TMEM272: variants seen among roughly 807,000 people sequenced by gnomAD.
TMEM272 encodes transmembrane protein 272.
Under a neutral mutation model 3.7 loss-of-function variants are expected in TMEM272, and 8 were observed. That is an observed-to-expected ratio of 2.17 (90% CI 1.27 to 3.91). The LOEUF is 3.91. Ranked by LOEUF, TMEM272 falls within the 30% of genes most tolerant of loss-of-function variation. TMEM272 has a pLI of 0.00. For synonymous variants in TMEM272, 63 were observed against 39.8 expected, an observed-to-expected ratio of 1.58 and a Z score of -2.20; for missense variants, 166 against 91.5, an observed-to-expected ratio of 1.81 and a Z score of -3.32.
At chr13:51,821,154 T>C (rs910731990) in intron 4 of TMEM272, among the ~76,000 whole-genome samples, 4 of 152,342 alleles carry the variant, frequency 2.6e-5, no homozygotes, top group African/African-American at 9.6e-5. Context: ...TGGGTCCGAA[T>C]GAGAGTTCAT....
the TMEM272 span, among the ~76,000 whole-genome samples, chr13:51,888,778 T>TG: frequency 6.6e-6 from 1 of 151,242 alleles, no homozygotes; most frequent in African/African-American, 2.4e-5. Context: ...CCCAAGTAGT[T>TG]GGGATTACAG....
chr13:51,865,883 G>A, the TMEM272 span: 1 of 1,613,616 alleles, frequency 6.2e-7, no homozygotes, highest in Non-Finnish European at 8.5e-7. Context: ...AGAGGAAAGA[G>A]CCCTCCTTGA....
the TMEM272 span, among the ~76,000 whole-genome samples, chr13:51,858,850 C>T: frequency 1.3e-5 from 2 of 152,180 alleles, no homozygotes; most frequent in Non-Finnish European, 1.5e-5. Context: ...TCCTTCCCCC[C>T]TGCAAACAGT....
the TMEM272 span, among the ~76,000 whole-genome samples, chr13:51,864,136 CT>C: frequency 8.0e-6 from 1 of 125,004 alleles, no homozygotes; most frequent in South Asian, 2.7e-4. Flanking sequence ...TTCTTTTTTT[CT>C]TTTCCTTCTT....
chr13:51,855,467 C>T, the TMEM272 span, among the ~76,000 whole-genome samples: 1 of 152,132 alleles, frequency 6.6e-6, no homozygotes, highest in East Asian at 1.9e-4. Flanking sequence ...GAAAAAAAGA[C>T]AAGAGAAACA....
intron 3 of TMEM272, among the ~76,000 whole-genome samples, chr13:51,824,101 C>G (rs1449474370): frequency 6.6e-6 from 1 of 152,206 alleles, no homozygotes; most frequent in Non-Finnish European, 1.5e-5. Context: ...TAGATATCTG[C>G]TCATTCCCAA....
the TMEM272 span, among the ~76,000 whole-genome samples, chr13:51,915,934 G>A: frequency 1.3e-5 from 2 of 152,084 alleles, no homozygotes; most frequent in Admixed American, 6.5e-5. Flanking sequence ...TTAGCTGGGC[G>A]TGGTGGTGTG....
intron 4 of TMEM272, among the ~76,000 whole-genome samples, chr13:51,820,708 C>T (rs969824523): frequency 2.0e-5 from 3 of 152,202 alleles, no homozygotes; most frequent in Admixed American, 6.5e-5. Flanking sequence ...TTGTTTTAAG[C>T]ATCTCTATGG....
intron 1 of TMEM272, among the ~76,000 whole-genome samples, chr13:51,844,410 G>A (rs972584332): frequency 1.3e-5 from 2 of 152,128 alleles, no homozygotes; most frequent in African/African-American, 4.8e-5. Context: ...AACTAGTATT[G>A]TTGAATATTT....
chr13:51,916,608 A>G, the TMEM272 span, among the ~76,000 whole-genome samples: 5 of 152,276 alleles, frequency 3.3e-5, no homozygotes, highest in African/African-American at 1.2e-4. Flanking sequence ...GCATGGACTG[A>G]CCCAGCCCTC....
the TMEM272 span, among the ~76,000 whole-genome samples, chr13:51,929,192 T>G: frequency 2.6e-5 from 4 of 151,220 alleles, no homozygotes; most frequent in African/African-American, 9.7e-5. Flanking sequence ...TGAGACTCCA[T>G]CTCAAAAAAA....
the TMEM272 span, among the ~76,000 whole-genome samples, chr13:51,863,605 G>A: frequency 6.6e-6 from 1 of 151,918 alleles, no homozygotes; most frequent in African/African-American, 2.4e-5. Flanking sequence ...TTGTGTGACT[G>A]GATGGATGGT....
At chr13:51,917,172 A>G in the TMEM272 span, among the ~76,000 whole-genome samples, 1 of 152,206 alleles carries the variant, frequency 6.6e-6, no homozygotes, top group Non-Finnish European at 1.5e-5. Context: ...GGAGCTCCAC[A>G]GGGCAACCGT....
chr13:51,903,995 C>T, the TMEM272 span, among the ~76,000 whole-genome samples: 2,335 of 76,796 alleles, frequency 0.03, 49 homozygotes, highest in Admixed American at 0.14. Flanking sequence ...ATCTGGTCAC[C>T]AGAAACTCAA....
At chr13:51,869,287 C>T in the TMEM272 span, among the ~76,000 whole-genome samples, 1 of 152,298 alleles carries the variant, frequency 6.6e-6, no homozygotes, top group Admixed American at 6.5e-5. Context: ...CTCAACAAAG[C>T]TATTCCTCAT....
intron 4 of TMEM272, among the ~76,000 whole-genome samples, chr13:51,820,792 C>T (rs949806676): frequency 6.6e-6 from 1 of 152,168 alleles, no homozygotes; most frequent in African/African-American, 2.4e-5. Flanking sequence ...GAGCCAAGAG[C>T]CTTTGGGTTT....
chr13:51,891,102 G>GT, the TMEM272 span, among the ~76,000 whole-genome samples: 1 of 152,302 alleles, frequency 6.6e-6, no homozygotes, highest in South Asian at 2.1e-4. Flanking sequence ...ATGGGCTTGT[G>GT]TTTGGGGCCC....
chr13:51,910,520 C>A, the TMEM272 span: 1 of 730,114 alleles, frequency 1.4e-6, no homozygotes, highest in Non-Finnish European at 2.6e-6. Context: ...CATAAGGATT[C>A]GAATTTGGTC....
chr13:51,867,499 G>C, the TMEM272 span, among the ~76,000 whole-genome samples: 1 of 152,114 alleles, frequency 6.6e-6, no homozygotes, highest in Admixed American at 6.5e-5. Flanking sequence ...GGAGAGGAGA[G>C]GACAGGGATC....
Sources: gnomAD v4.1 joint callset for allele counts (sites outside exome capture counted in the v4.1 genomes callset) on GRCh38, gnomAD v4.1.1 for gene constraint, MANE v1.5 for transcripts, NCBI Gene and HGNC (gene_info 2026-07-23, HGNC 2026-07-21) for gene names.